DOCK1: variants seen among roughly 807,000 people sequenced by gnomAD.
DOCK1 encodes the protein dedicator of cytokinesis protein 1.
A neutral mutation model predicts 262.7 loss-of-function variants in DOCK1; 138 were observed. The ratio of observed to expected loss-of-function variants is 0.53; its 90% confidence interval spans 0.46 to 0.61. DOCK1 has a LOEUF of 0.61. Ranked by LOEUF, DOCK1 falls within the 20% of genes least tolerant of loss-of-function variation. The pLI, the probability that DOCK1 is intolerant of heterozygous loss-of-function variation, is 0.00. For synonymous variants in DOCK1, 866 were observed against 867.4 expected, an observed-to-expected ratio of 1.00 and a Z score of 0.03; for missense variants, 1,908 against 2,370.7, an observed-to-expected ratio of 0.80 and a Z score of 4.05.
chr10:127,265,836 G>A (rs188754972), intron 29 of DOCK1, among the ~76,000 whole-genome samples: 1 of 152,258 alleles, frequency 6.6e-6, no homozygotes, highest in Admixed American at 6.5e-5. Context: ...AGGGCCTTAA[G>A]CCCTAGAAAG....
chr10:127,424,846 G>A (rs778738278), intron 46 of DOCK1, among the ~76,000 whole-genome samples: 18 of 152,132 alleles, frequency 1.2e-4, no homozygotes, highest in Non-Finnish European at 2.1e-4. Context: ...CTTTTGTGTC[G>A]GTGCAGCCTC....
chr10:127,448,840 C>T (rs868047105), intron 51 of DOCK1, among the ~76,000 whole-genome samples: 4 of 147,616 alleles, frequency 2.7e-5, no homozygotes, highest in Middle Eastern at 3.4e-3. Context: ...CAATATAAAT[C>T]CCACGTGCCA....
At position 127,047,255 on chromosome 10, in the gene DOCK1, T is replaced by G. The variant is rs116249143; in HGVS notation, c.2201+4091T>G. Reference sequence around the variant, plus strand: ...GAAAGTGTAGAAGTGTGGATAGAATTAAAAATGGCAGATCCTCACTACTGC... The same window carrying G: ...GAAAGTGTAGAAGTGTGGATAGAATGAAAAATGGCAGATCCTCACTACTGC... On this transcript the variant is annotated intron_variant, in intron 21 of 51. Transcript: ENST00000623213. 4.5e-3 allele frequency among the ~76,000 whole-genome samples: 679 copies of G among 152,284 alleles called. 1 individual carries two copies. The highest frequency in any genetic ancestry group is 0.014 in the African/African-American group (600 of 41,564).
Position 127,364,367 on chromosome 10 carries a change from A to AT in DOCK1, c.3432+2165dup, listed in dbSNP as rs536364998. ...CTTTGCTCCACTAGGCAGTTTTTTAATTTTTTTTTTATTTTTTTGAGACGG... is the reference window on the plus strand; with the variant it reads ...CTTTGCTCCACTAGGCAGTTTTTTAATTTTTTTTTTTATTTTTTTGAGACGG... On this transcript the variant is annotated intron_variant, in intron 33 of 51. Coordinates refer to ENST00000623213, the MANE Select transcript of DOCK1 (RefSeq NM_001290223.2). 2.2e-3 allele frequency among the ~76,000 whole-genome samples: 327 copies of AT among 150,492 alleles called. 1 individual carries two copies. Among genetic ancestry groups the AT allele is most frequent in the African/African-American group, 7.1e-3 (293 of 41,078 alleles).
chr10:127,304,539 G>A (rs890030521), intron 29 of DOCK1, among the ~76,000 whole-genome samples: 25 of 151,946 alleles, frequency 1.6e-4, no homozygotes, highest in Non-Finnish European at 3.1e-4. Context: ...AATTGAAAAC[G>A]TGGAAGCTAT....
chr10:126,938,738 CCAGAGGGGATG>C (rs2034726072), intron 1 of DOCK1, among the ~76,000 whole-genome samples: 1 of 136,364 alleles, frequency 7.3e-6, no homozygotes, highest in Non-Finnish European at 1.7e-5. Context: ...GCTACATTCT[CCAGAGGGGATG>C]AACACCGGAG....
At chr10:127,200,877 C>A (rs2057421641) in intron 27 of DOCK1, among the ~76,000 whole-genome samples, 1 of 152,146 alleles carries the variant, frequency 6.6e-6, no homozygotes. Context: ...TAAGTCTCAG[C>A]CTCATTTCTC....
rs746604321 is a variant in DOCK1 at position 127,012,211 on chromosome 10, T to C, written c.1059-21T>C. ...TGTGCCCCTTTGTCTCCTGTGGTCTTGGTCGTCCCGTGCCCTCCAGGCTCG... is the reference window on the plus strand; with the variant it reads ...TGTGCCCCTTTGTCTCCTGTGGTCTCGGTCGTCCCGTGCCCTCCAGGCTCG... On this transcript the variant is annotated intron_variant, in intron 11 of 51. Transcript: ENST00000623213. The surrounding 1 kb of genome is among the most constrained non-coding windows in gnomAD (Gnocchi z 4.0). The C allele has an allele frequency of 1.5e-6, 2 of 1,365,898 alleles. No homozygotes were observed. Among genetic ancestry groups the C allele is most frequent in the Admixed American group, 3.4e-5 (2 of 59,036 alleles). 84.6% of individuals were successfully genotyped at this position (1,365,898 alleles called of 1,614,324 possible).
intron 16 of DOCK1, among the ~76,000 whole-genome samples, chr10:127,030,683 G>A (rs2043174774): frequency 6.6e-6 from 1 of 152,170 alleles, no homozygotes; most frequent in Non-Finnish European, 1.5e-5. Flanking sequence ...TCTATTTCAT[G>A]TACTAGGAAA....
chr10:127,035,551 C>G (rs2043539425), intron 18 of DOCK1, among the ~76,000 whole-genome samples: 1 of 152,124 alleles, frequency 6.6e-6, no homozygotes, highest in Non-Finnish European at 1.5e-5. Flanking sequence ...CTCAAACTTA[C>G]AATACAGCGT....
Position 127,439,096 on chromosome 10 carries a change from C to G in DOCK1, c.5130C>G (p.Asp1710Glu), listed in dbSNP as rs1416493583. 5 of 1,569,538 alleles carry G rather than the reference C, an allele frequency of 3.2e-6. No individual in the cohort carries two copies. The highest frequency in any genetic ancestry group is 2.3e-5 in the East Asian group (1 of 42,652). The change falls in exon 49 of 52, where the codon GAC becomes GAG. Residue 1710 changes from aspartate (D) to glutamate (E), a missense_variant. Asp to Glu is a conservative substitution (Grantham distance 45). Coordinates refer to ENST00000623213, the MANE Select transcript of DOCK1 (RefSeq NM_001290223.2). ...SRSQDKLDKDDLEKEKKDKKK... is the reference protein window; with the variant it reads ...SRSQDKLDKDELEKEKKDKKK... ...CCCAGGACAAGCTGGACAAGGATGACCTGGAGAAGGAGAAGAAGGACAAGA... is the reference window on the plus strand; with the variant it reads ...CCCAGGACAAGCTGGACAAGGATGAGCTGGAGAAGGAGAAGAAGGACAAGA...
At chr10:126,954,737 C>A (rs1330587823) in intron 1 of DOCK1, among the ~76,000 whole-genome samples, 1 of 152,198 alleles carries the variant, frequency 6.6e-6, no homozygotes, top group Non-Finnish European at 1.5e-5. Flanking sequence ...CCTCAAGGTT[C>A]ATCCACATTG....
In DOCK1 at chr10:126,935,130, CTT is replaced by C. The variant is rs1170275551; in HGVS notation, c.46+29573_46+29574del. ...CTCAAAAAAAGAGAGAAATATAAAA[CTT>C]TTTTTGGAATGTAGACTATTATATC... On this transcript the variant is annotated intron_variant, in intron 1 of 51. Coordinates refer to ENST00000623213, the MANE Select transcript of DOCK1 (RefSeq NM_001290223.2). Among the ~76,000 whole-genome samples the C allele has an allele frequency of 1.9e-3, 289 of 152,254 alleles. 1 individual carries two copies. Among genetic ancestry groups the C allele is most frequent in the Non-Finnish European group, 2.9e-3 (200 of 68,012 alleles).
At chr10:127,339,625 T>C (rs28615634) in intron 30 of DOCK1, among the ~76,000 whole-genome samples, 1 of 139,450 alleles carries the variant, frequency 7.2e-6, no homozygotes. Flanking sequence ...GTGTGTGTGT[T>C]TGTGTGTGTG....
intron 27 of DOCK1, among the ~76,000 whole-genome samples, chr10:127,133,388 TTG>T (rs1329291442): frequency 6.6e-6 from 1 of 152,226 alleles, no homozygotes; most frequent in Non-Finnish European, 1.5e-5. Flanking sequence ...CAAAAAAATG[TTG>T]TGTTTCAAAT....
intron 18 of DOCK1, 83 bp from the exon 19 acceptor site, chr10:127,037,636 A>G (rs2043728705): frequency 3.3e-6 from 4 of 1,204,168 alleles, no homozygotes; most frequent in Non-Finnish European, 3.5e-6. Context: ...AATTTTATAG[A>G]GAACCTCACA....
chr10:127,191,997 G>T (rs1305521361), intron 27 of DOCK1, among the ~76,000 whole-genome samples: 1 of 152,164 alleles, frequency 6.6e-6, no homozygotes, highest in Non-Finnish European at 1.5e-5. Flanking sequence ...GATTATTAAG[G>T]GCTGAACTGG....
intron 27 of DOCK1, chr10:127,192,548 T>G (rs569778939): frequency 6.6e-6 from 1 of 152,338 alleles, no homozygotes; most frequent in Admixed American, 6.5e-5. Context: ...CATTATGGTT[T>G]GAATAATGTC....
chr10:127,099,743 C>G (rs1233127498), intron 23 of DOCK1, among the ~76,000 whole-genome samples: 1 of 152,202 alleles, frequency 6.6e-6, no homozygotes, highest in Non-Finnish European at 1.5e-5. Context: ...ACTGTCCCCA[C>G]CTCCAACACT....
Sources: allele counts gnomAD v4.1 joint callset (sites outside exome capture counted in the v4.1 genomes callset), GRCh38; gene constraint gnomAD v4.1.1; non-coding constraint Gnocchi (gnomAD v3.1); transcripts MANE v1.5; gene names NCBI Gene and HGNC (gene_info 2026-07-23, HGNC 2026-07-21).